TFEC: variants seen among roughly 807,000 people sequenced by gnomAD.
TFEC encodes the protein transcription factor EC, also known as class E basic helix-loop-helix protein 34.
Under a neutral mutation model 41.6 loss-of-function variants are expected in TFEC, and 31 were observed. The ratio of observed to expected loss-of-function variants is 0.74; its 90% CI spans 0.56 to 1.01. TFEC has a LOEUF of 1.01. Ranked by LOEUF, TFEC falls within the 50% of genes least tolerant of loss-of-function variation. The probability of loss-of-function intolerance (pLI) is 0.00; values close to 1 mark genes in which losing one functional copy is unlikely to be tolerated. For synonymous variants in TFEC, 143 were observed against 140.6 expected, an observed-to-expected ratio of 1.02 and a Z score of -0.12; for missense variants, 402 against 404.1, an observed-to-expected ratio of 0.99 and a Z score of 0.04.
intron 3 of TFEC, among the ~76,000 whole-genome samples, chr7:116,071,666 T>A (rs920045014): frequency 6.6e-6 from 1 of 151,398 alleles, no homozygotes; most frequent in Non-Finnish European, 1.5e-5. Flanking sequence ...ATGTAGAAGA[T>A]ACAGTGAAAG....
intron 2 of TFEC, among the ~76,000 whole-genome samples, chr7:115,984,000 A>G (rs1793739198): frequency 1.3e-5 from 2 of 152,174 alleles, no homozygotes; most frequent in Non-Finnish European, 2.9e-5. Flanking sequence ...TAAATCTTCT[A>G]AACACATACC....
In TFEC at chr7:116,093,563, TTTTG is replaced by T. The variant is rs757165234; in HGVS notation, c.198+17141_198+17144del. Among the ~76,000 whole-genome samples, 7 of 152,294 alleles carry T rather than the reference TTTTG, an allele frequency of 4.6e-5. 1 individual carries two copies. The highest frequency in any genetic ancestry group is 6.8e-3 in the Middle Eastern group (2 of 294). On this transcript the variant is annotated intron_variant, in intron 3 of 8. Transcript: ENST00000484212. ...GTCTGATTTTGTTTCTTCTTTCTTT[TTTTG>T]TTTAATTTTATCACTTTTTCACTGT...
intron 3 of TFEC, among the ~76,000 whole-genome samples, chr7:116,088,479 C>A (rs544426370): frequency 6.6e-6 from 1 of 152,118 alleles, no homozygotes; most frequent in South Asian, 2.1e-4. Flanking sequence ...TTTCTTTATA[C>A]ATAAACTGGG....
chr7:116,066,063 T>C (rs1186948817), intron 3 of TFEC, among the ~76,000 whole-genome samples: 1 of 152,210 alleles, frequency 6.6e-6, no homozygotes, highest in Non-Finnish European at 1.5e-5. Flanking sequence ...TGGCAAATGC[T>C]AGCAAAGCCC....
chr7:116,029,045 G>A (rs537231705), intron 1 of TFEC, among the ~76,000 whole-genome samples: 6 of 152,072 alleles, frequency 3.9e-5, no homozygotes, highest in South Asian at 4.2e-4. Context: ...TGCCGCAGTC[G>A]TTAAAATTAA....
At chr7:116,155,613 T>C (rs1276939045) in intron 1 of TFEC, among the ~76,000 whole-genome samples, 1 of 152,116 alleles carries the variant, frequency 6.6e-6, no homozygotes, top group Non-Finnish European at 1.5e-5. Flanking sequence ...TAGGGAGAAA[T>C]GTCCAGCTGT....
chr7:116,024,648 C>T (rs913787729), intron 1 of TFEC, among the ~76,000 whole-genome samples: 4 of 152,186 alleles, frequency 2.6e-5, no homozygotes, highest in Admixed American at 1.3e-4. Context: ...ATAAAATATA[C>T]TGTTTTGATA....
intron 1 of TFEC, among the ~76,000 whole-genome samples, chr7:116,004,226 T>C (rs1228563702): frequency 6.6e-6 from 1 of 152,064 alleles, no homozygotes; most frequent in East Asian, 1.9e-4. Context: ...TTAATAAGCC[T>C]CTAGCTAACT....
At chr7:116,099,308 C>T (rs1303973624) in intron 3 of TFEC, among the ~76,000 whole-genome samples, 3 of 152,232 alleles carry the variant, frequency 2.0e-5, no homozygotes, top group African/African-American at 7.2e-5. Flanking sequence ...AATGACTGCA[C>T]CATGTTAAAT....
At chr7:116,015,695 A>G (rs2130832266) in intron 1 of TFEC, among the ~76,000 whole-genome samples, 1 of 152,338 alleles carries the variant, frequency 6.6e-6, no homozygotes. Flanking sequence ...AAGACTTCTG[A>G]TTGATTTATA....
chr7:116,156,447 C>G (rs548081243), intron 1 of TFEC, among the ~76,000 whole-genome samples: 9 of 152,066 alleles, frequency 5.9e-5, no homozygotes, highest in Non-Finnish European at 1.0e-4. Context: ...CCACAATTAG[C>G]AAAAGACATT....
chr7:116,074,788 A>T (rs149238049), intron 3 of TFEC, among the ~76,000 whole-genome samples: 14 of 152,322 alleles, frequency 9.2e-5, no homozygotes, highest in Non-Finnish European at 1.2e-4. Flanking sequence ...TCAAAATGAA[A>T]CATATATATT....
rs572924476 is a variant in TFEC at position 116,133,498 on chromosome 7, T to C, written c.-68-21460A>G. Reference sequence around the variant, plus strand: ...TTGCAGTGAGCTGAGATCACGCCCCTGCACTCCAGCCTGGGTGACAGAACA... The same window carrying C: ...TTGCAGTGAGCTGAGATCACGCCCCCGCACTCCAGCCTGGGTGACAGAACA... On this transcript the variant is annotated intron_variant, in intron 1 of 8. Transcript: ENST00000484212. 2.0e-5 allele frequency among the ~76,000 whole-genome samples: 3 copies of C among 149,898 alleles called. No homozygotes were observed. The South Asian group carries it at 6.3e-4, about 31-fold the overall frequency.
At chr7:116,148,966 T>C (rs901919730) in intron 1 of TFEC, among the ~76,000 whole-genome samples, 1 of 149,724 alleles carries the variant, frequency 6.7e-6, no homozygotes, top group African/African-American at 2.5e-5. Context: ...GAGATAAGGG[T>C]AAATGGATCC....
rs558101644 is a variant in TFEC at position 116,075,199 on chromosome 7, C to T, written c.198+35509G>A. ...TTACTTGGGTGAACTAAATGGACTA[C>T]GAATTGTATCTCAGTGAAGCTATTT... On this transcript the variant is annotated intron_variant, in intron 3 of 8. Transcript: ENST00000484212. Among the ~76,000 whole-genome samples, 20 of 152,222 alleles carry T rather than the reference C, an allele frequency of 1.3e-4. No individual in the cohort carries two copies. The South Asian group carries it at 2.7e-3, about 21-fold the overall frequency.
At chr7:116,043,852 A>G (rs1796097024) in intron 3 of TFEC, among the ~76,000 whole-genome samples, 1 of 152,160 alleles carries the variant, frequency 6.6e-6, no homozygotes, top group Non-Finnish European at 1.5e-5. Context: ...AAAATGATCC[A>G]AATGCTATTG....
intron 1 of TFEC, among the ~76,000 whole-genome samples, chr7:116,015,409 T>C (rs374151259): frequency 9.9e-5 from 15 of 152,036 alleles, no homozygotes; most frequent in African/African-American, 3.4e-4. Flanking sequence ...AAAGTGTAGA[T>C]GAGAACAAAT....
At chr7:116,103,528 T>C (rs1054224524) in intron 3 of TFEC, among the ~76,000 whole-genome samples, 2 of 152,170 alleles carry the variant, frequency 1.3e-5, no homozygotes, top group Non-Finnish European at 2.9e-5. Context: ...CATTTCCTTA[T>C]ATCTTTCACT....
intron 3 of TFEC, among the ~76,000 whole-genome samples, chr7:116,047,325 C>CCA (rs1796191804): frequency 2.0e-5 from 3 of 152,156 alleles, no homozygotes; most frequent in Non-Finnish European, 4.4e-5. Context: ...TTCCAATGGT[C>CCA]TTAGCAAACG....
Sources: gnomAD v4.1 joint callset for allele counts (sites outside exome capture counted in the v4.1 genomes callset) on GRCh38, gnomAD v4.1.1 for gene constraint, MANE v1.5 for transcripts, NCBI Gene and HGNC (gene_info 2026-07-23, HGNC 2026-07-21) for gene names.